Variants in RARB observed in about 807,000 individuals in gnomAD.
The protein encoded by RARB is HBV-activated protein.
A neutral mutation model predicts 51.9 loss-of-function variants in RARB; 17 were observed. The observed-to-expected ratio is 0.33, with a 90% confidence interval of 0.22 to 0.49. RARB has a LOEUF of 0.49. Ranked by LOEUF, RARB falls within the 20% of genes least tolerant of loss-of-function variation. RARB has a pLI of 0.99. For missense variants in RARB, 369 were observed against 550.8 expected (o/e 0.67, Z 3.30); for synonymous variants, 215 against 195.4 (o/e 1.10, Z -0.84).
intron 2 of RARB, among the ~76,000 whole-genome samples, chr3:24,916,779 A>AAAC: frequency 6.6e-6 from 1 of 151,892 alleles, no homozygotes; most frequent in South Asian, 2.1e-4. Flanking sequence ...AAAAAAAAAA[A>AAAC]AAAAAAACCT....
intron 3 of RARB, among the ~76,000 whole-genome samples, chr3:25,524,166 A>G (rs558952895): frequency 6.6e-6 from 1 of 152,330 alleles, no homozygotes; most frequent in African/African-American, 2.4e-5. Flanking sequence ...CCTCCACACA[A>G]TGTGTGGCTG....
At chr3:24,863,316 A>G (rs1446191972) in intron 2 of RARB, among the ~76,000 whole-genome samples, 1 of 152,194 alleles carries the variant, frequency 6.6e-6, no homozygotes, top group Non-Finnish European at 1.5e-5. Context: ...TTATAACCAG[A>G]GGAATTCATG....
chr3:25,022,859 C>T (rs1187747799), intron 2 of RARB, among the ~76,000 whole-genome samples: 1 of 152,096 alleles, frequency 6.6e-6, no homozygotes, highest in Non-Finnish European at 1.5e-5. Context: ...CAGGAGTGGA[C>T]AGTCGGAGAT....
At chr3:25,319,784 T>C (rs1704517895) in intron 5 of RARB, among the ~76,000 whole-genome samples, 1 of 152,200 alleles carries the variant, frequency 6.6e-6, no homozygotes, top group Non-Finnish European at 1.5e-5. Flanking sequence ...GGAGAGATAT[T>C]CACAGTGGAT....
At chr3:24,979,133 C>G (rs753907636) in intron 2 of RARB, among the ~76,000 whole-genome samples, 3 of 152,172 alleles carry the variant, frequency 2.0e-5, no homozygotes, top group Non-Finnish European at 4.4e-5. Context: ...GTTGTGATTT[C>G]TGTTCTCTTA....
chr3:25,139,322 A>T (rs1247691759), intron 4 of RARB, among the ~76,000 whole-genome samples: 1 of 152,228 alleles, frequency 6.6e-6, no homozygotes, highest in Non-Finnish European at 1.5e-5. Context: ...CAAGTTGTGA[A>T]TGTGGAAGAA....
At chr3:25,396,714 G>T (rs879263941) in intron 5 of RARB, among the ~76,000 whole-genome samples, 1 of 152,074 alleles carries the variant, frequency 6.6e-6, no homozygotes, top group African/African-American at 2.4e-5. Context: ...TTGCTGTGGC[G>T]CTGTGGAGAT....
At chr3:24,942,806 T>A (rs1188878007) in intron 2 of RARB, among the ~76,000 whole-genome samples, 1 of 152,212 alleles carries the variant, frequency 6.6e-6, no homozygotes, top group Non-Finnish European at 1.5e-5. Context: ...ACTTTTTTTC[T>A]CTATTAACTT....
chr3:25,011,556 A>G (rs1426512964), intron 2 of RARB, among the ~76,000 whole-genome samples: 2 of 152,116 alleles, frequency 1.3e-5, no homozygotes, highest in Non-Finnish European at 2.9e-5. Context: ...CTAAGGCTCA[A>G]TGAGGTCAAG....
intron 3 of RARB, among the ~76,000 whole-genome samples, chr3:25,071,277 G>A (rs1698760796): frequency 6.6e-6 from 1 of 152,106 alleles, no homozygotes; most frequent in African/African-American, 2.4e-5. Flanking sequence ...ATCATACCAG[G>A]GAAGACAGGG....
chr3:25,033,286 G>A (rs1271809414), intron 2 of RARB, among the ~76,000 whole-genome samples: 4 of 152,116 alleles, frequency 2.6e-5, no homozygotes, highest in African/African-American at 7.2e-5. Context: ...ATTAAAGTAG[G>A]GGTCACTCAT....
At chr3:24,935,222 A>G (rs1417162613) in intron 2 of RARB, among the ~76,000 whole-genome samples, 1 of 152,166 alleles carries the variant, frequency 6.6e-6, no homozygotes, top group Non-Finnish European at 1.5e-5. Flanking sequence ...TGTTACGTTT[A>G]GGTATAGAAC....
intron 5 of RARB, among the ~76,000 whole-genome samples, chr3:25,177,485 G>C (rs1183487713): frequency 1.3e-5 from 2 of 152,176 alleles, no homozygotes; most frequent in Non-Finnish European, 2.9e-5. Flanking sequence ...AGGACTTACT[G>C]ATATCTCTTT....
At chr3:25,292,470 G>C (rs1280933826) in intron 5 of RARB, among the ~76,000 whole-genome samples, 1 of 152,140 alleles carries the variant, frequency 6.6e-6, no homozygotes, top group Admixed American at 6.6e-5. Context: ...CTTCCTTTGA[G>C]GTGGGAAGAA....
intron 2 of RARB, 44 bp downstream of exon 2, chr3:25,461,385 T>C (rs57786910): frequency 2.5e-6 from 4 of 1,597,718 alleles, no homozygotes; most frequent in Non-Finnish European, 3.4e-6. Flanking sequence ...TCATTCTCCA[T>C]GTACTTTATG....
At chr3:24,953,777 TC>T (rs1436754675) in intron 2 of RARB, among the ~76,000 whole-genome samples, 1 of 152,176 alleles carries the variant, frequency 6.6e-6, no homozygotes, top group Non-Finnish European at 1.5e-5. Flanking sequence ...CCCCTACTCT[TC>T]CAAAGCTTTT....
intron 2 of RARB, among the ~76,000 whole-genome samples, chr3:24,973,171 G>GCCTA (rs1324581272): frequency 6.6e-6 from 1 of 151,878 alleles, no homozygotes; most frequent in African/African-American, 2.4e-5. Context: ...AGAGATAAGG[G>GCCTA]CCTAGTTCAT....
intron 5 of RARB, among the ~76,000 whole-genome samples, chr3:25,588,034 A>T (rs1701468056): frequency 6.6e-6 from 1 of 152,248 alleles, no homozygotes; most frequent in South Asian, 2.1e-4. Context: ...GACACAACAG[A>T]GAGCAAGACA....
chr3:25,108,012 T>C (rs1392555402), intron 3 of RARB, among the ~76,000 whole-genome samples: 1 of 152,174 alleles, frequency 6.6e-6, no homozygotes, highest in Non-Finnish European at 1.5e-5. Context: ...AAGGTTTACT[T>C]GAACACAAAC....
Sources: allele counts gnomAD v4.1 joint callset (sites outside exome capture counted in the v4.1 genomes callset), GRCh38; gene constraint gnomAD v4.1.1; transcripts MANE v1.5; gene names NCBI Gene and HGNC (gene_info 2026-07-23, HGNC 2026-07-21).